AKAP9: variants seen among roughly 807,000 people sequenced by gnomAD.
AKAP9 encodes the protein A-kinase anchoring protein 9, also known as A-kinase anchor protein 9.
In AKAP9, 311 loss-of-function variants were observed where a neutral mutation model predicts 488.5. The observed-to-expected ratio is 0.64, with a 90% CI of 0.58 to 0.70. The LOEUF (loss-of-function observed/expected upper bound fraction) is 0.70. AKAP9 is among the 30% of genes least tolerant of loss of function. The probability of loss-of-function intolerance (pLI) is 0.00; values close to 1 mark genes in which losing one functional copy is unlikely to be tolerated. For synonymous variants in AKAP9, 1,462 were observed against 1,483.5 expected (o/e 0.99, Z 0.33); for missense variants, 4,215 against 4,374.5 (o/e 0.96, Z 1.03).
intron 2 of AKAP9, among the ~76,000 whole-genome samples, chr7:91,974,442 C>T (rs1269518460): frequency 6.6e-6 from 1 of 152,258 alleles, no homozygotes; most frequent in African/African-American, 2.4e-5. Flanking sequence ...TATTTATCCC[C>T]TCAATTATAT....
chr7:92,089,296 T>G (rs1815125147), intron 37 of AKAP9, 89 bp from the exon 38 acceptor site: 1 of 1,458,092 alleles, frequency 6.9e-7, no homozygotes, highest in African/African-American at 1.4e-5. Context: ...AGTATGTGTG[T>G]TCCATTCATT....
At chr7:92,075,719 A>G (rs1475189643) in intron 28 of AKAP9, among the ~76,000 whole-genome samples, 1 of 152,224 alleles carries the variant, frequency 6.6e-6, no homozygotes, top group African/African-American at 2.4e-5. Flanking sequence ...AAGAAATAAT[A>G]CATATAAAGC....
rs899140927 is a variant in AKAP9 at position 92,045,090 on chromosome 7, A to G, written c.5245A>G (p.Ile1749Val). The G allele has an allele frequency of 1.2e-6, 2 of 1,613,756 alleles. No individual in the cohort carries two copies. Among genetic ancestry groups the G allele is most frequent in the Non-Finnish European group, 8.5e-7 (1 of 1,179,886 alleles). Residue 1749 changes from isoleucine to valine, a missense_variant, in exon 21 of 50, where the codon ATT becomes GTT. By Grantham distance (29) the Ile-to-Val change is conservative. Coordinates refer to ENST00000356239, the MANE Select transcript of AKAP9 (RefSeq NM_005751.5). The stretch of plus-strand genomic sequence containing the variant: ...GACAACAGCAGCTGTTGAAGAAACA[A>G]TTGGTCGCCATGTCCTTGGGATTCT... ...VKTTAAVEET[I>V]GRHVLGILDR...
intron 24 of AKAP9, among the ~76,000 whole-genome samples, chr7:92,063,230 AT>A (rs1039165294): frequency 6.6e-6 from 1 of 152,126 alleles, no homozygotes; most frequent in Non-Finnish European, 1.5e-5. Flanking sequence ...AGCTGCTCAA[AT>A]TAATTAAACA....
intron 14 of AKAP9, among the ~76,000 whole-genome samples, chr7:92,025,636 A>T (rs1802989123): frequency 6.6e-6 from 1 of 152,240 alleles, no homozygotes; most frequent in Admixed American, 6.5e-5. Flanking sequence ...AAGGTTGGAA[A>T]GATCATGGGT....
intron 29 of AKAP9, among the ~76,000 whole-genome samples, chr7:92,077,312 C>G (rs536135091): frequency 6.6e-6 from 1 of 151,812 alleles, no homozygotes; most frequent in Non-Finnish European, 1.5e-5. Context: ...AGGATGCTCT[C>G]GATCTCCTGA....
At position 92,086,395 on chromosome 7, in the gene AKAP9, G is replaced by C; in HGVS notation, c.9192G>C (p.Leu3064Phe). ...ATGCAGTTGGTTTACTAAACTGTTT[G>C]GAACAGAGAATACAAGAACAGGTAT... ...TTDAVGLLNC[L>F]EQRIQEQGVE... Residue 3064 changes from leucine to phenylalanine, a missense_variant, in exon 37 of 50, where the codon TTG becomes TTC. Transcript: ENST00000356239. The C allele has an allele frequency of 6.2e-7, 1 of 1,613,648 alleles. No homozygotes were observed. The highest frequency in any genetic ancestry group is 8.5e-7 in the Non-Finnish European group (1 of 1,179,712).
intron 7 of AKAP9, 179 bp downstream of exon 7, chr7:91,995,979 CA>C: frequency 1.6e-6 from 1 of 616,500 alleles, no homozygotes; most frequent in Non-Finnish European, 2.8e-6. Context: ...AGATAATAGT[CA>C]TTACTGAGTT....
At chr7:92,049,909 G>C (rs1807643420) in intron 21 of AKAP9, among the ~76,000 whole-genome samples, 2 of 151,990 alleles carry the variant, frequency 1.3e-5, no homozygotes, top group African/African-American at 4.8e-5. Context: ...CTTGAGATTT[G>C]CTCCCATCTA....
chr7:92,054,683 G>C (rs983777179), intron 22 of AKAP9, among the ~76,000 whole-genome samples: 1 of 151,806 alleles, frequency 6.6e-6, no homozygotes, highest in African/African-American at 2.4e-5. Context: ...TGATTTGAGG[G>C]GTAACTTGCC....
chr7:92,099,493 G>A (rs1382284023), intron 43 of AKAP9, among the ~76,000 whole-genome samples, 194 bp from the exon 44 acceptor site: 3 of 151,976 alleles, frequency 2.0e-5, no homozygotes, highest in South Asian at 2.1e-4. Flanking sequence ...ATACACACTC[G>A]CTCAAGCCTT....
At chr7:92,066,269 A>G (rs948429364) in intron 25 of AKAP9, among the ~76,000 whole-genome samples, 158 bp from the exon 26 acceptor site, 3 of 152,208 alleles carry the variant, frequency 2.0e-5, no homozygotes, top group Non-Finnish European at 4.4e-5. Flanking sequence ...AAAAAATAAA[A>G]TGTTATCTTT....
Position 91,973,951 on chromosome 7 carries a change from C to T in AKAP9, c.289C>T (p.Gln97Ter). The change falls in exon 2 of 50, where the codon CAG becomes TAG. Residue 97 changes from glutamine (Q) to a stop codon, truncating the protein, a stop_gained. Coordinates refer to ENST00000356239, the MANE Select transcript of AKAP9 (RefSeq NM_005751.5). LOFTEE classifies it high-confidence loss of function. ...TAGTGGAGAAATAACCAGTCATGAG[C>T]AGGGCTTCTCTGTGGAAGTAAGTAT... ...LHSGEITSHE[Q>*]GFSVELESEI... The T allele has an allele frequency of 1.2e-6, 2 of 1,613,766 alleles. No homozygotes were observed. Among genetic ancestry groups the T allele is most frequent in the Non-Finnish European group, 1.7e-6 (2 of 1,179,906 alleles).
At chr7:91,962,958 TTGCCCTGA>T (rs1392199825) in intron 1 of AKAP9, among the ~76,000 whole-genome samples, 1 of 152,202 alleles carries the variant, frequency 6.6e-6, no homozygotes, top group Admixed American at 6.5e-5. Context: ...ATTTTCACCT[TTGCCCTGA>T]TATATTTTGC....
intron 2 of AKAP9, among the ~76,000 whole-genome samples, chr7:91,977,363 T>C (rs1260116345): frequency 6.6e-6 from 1 of 152,168 alleles, no homozygotes; most frequent in Non-Finnish European, 1.5e-5. Context: ...GAGACCATCC[T>C]GGCTAACACG....
rs187517066 is a variant in AKAP9 at position 91,940,903 on chromosome 7, A to T, written c.-197A>T. 8.1e-5 allele frequency: 51 copies of T among 628,648 alleles called. No homozygotes were observed. Among genetic ancestry groups the T allele is most frequent in the South Asian group, 6.5e-4 (35 of 54,192 alleles). 38.9% of individuals were successfully genotyped at this position (628,648 alleles called of 1,614,324 possible). On this transcript the variant is annotated 5_prime_UTR_variant, in exon 1 of 50. Coordinates refer to ENST00000356239, the MANE Select transcript of AKAP9 (RefSeq NM_005751.5). ...GAAGATGGCGGCGGCGGCGGCGGTGACGGCGCTTCCCGTGCGGCTGAGGAC... is the reference window on the plus strand; with the variant it reads ...GAAGATGGCGGCGGCGGCGGCGGTGTCGGCGCTTCCCGTGCGGCTGAGGAC...
intron 1 of AKAP9, among the ~76,000 whole-genome samples, chr7:91,964,378 T>C (rs1584605773): frequency 6.6e-6 from 1 of 152,316 alleles, no homozygotes. Context: ...TATTTTAATA[T>C]GGCGTCATCA....
At chr7:92,108,792 C>A in intron 49 of AKAP9, 159 bp downstream of exon 49, 2 of 858,314 alleles carry the variant, frequency 2.3e-6, no homozygotes, top group East Asian at 2.7e-5. Flanking sequence ...TTGTAACCAG[C>A]AGAGAAACTG....
At chr7:92,085,380 C>A in intron 35 of AKAP9, 115 bp from the exon 36 acceptor site, 1 of 1,002,608 alleles carries the variant, frequency 1.0e-6, no homozygotes, top group Non-Finnish European at 1.5e-6. Context: ...TAATGTTGGG[C>A]TGGAGTTTTC....
Sources: gnomAD v4.1 joint callset for allele counts (sites outside exome capture counted in the v4.1 genomes callset) on GRCh38, gnomAD v4.1.1 for gene constraint, MANE v1.5 for transcripts, NCBI Gene and HGNC (gene_info 2026-07-23, HGNC 2026-07-21) for gene names.